Variants in EIF4E3 observed in about 807,000 individuals in gnomAD.
EIF4E3 encodes eukaryotic translation initiation factor 4E family member 3, also known as eukaryotic translation initiation factor 4E type 3.
EIF4E3 carries 26 observed loss-of-function variants against 31.7 expected under a neutral mutation model. That is an observed-to-expected ratio of 0.82 (90% CI 0.60 to 1.14). The LOEUF (loss-of-function observed/expected upper bound fraction) is 1.14. Among genes scored for constraint, EIF4E3 ranks in the 50% most tolerant of loss-of-function variants. EIF4E3 has a pLI of 0.00. For synonymous variants in EIF4E3, 128 were observed against 107.7 expected (o/e 1.19, Z -1.17); for missense variants, 304 against 270.9 (o/e 1.12, Z -0.86).
chr3:71,691,716 A>G (rs935685153), intron 5 of EIF4E3, among the ~76,000 whole-genome samples: 2 of 152,244 alleles, frequency 1.3e-5, no homozygotes, highest in African/African-American at 2.4e-5. Flanking sequence ...ATTTAAACAA[A>G]AGAGTCAAAA....
Position 71,690,045 on chromosome 3 carries a change from A to C in EIF4E3, c.593T>G (p.Leu198Arg), listed in dbSNP as rs1378726030. The change falls in exon 6 of 7, where the codon CTG becomes CGG. Residue 198 changes from leucine (L) to arginine (R), a missense_variant. Physicochemically the swap from Leu to Arg is moderately radical, Grantham distance 102 (BLOSUM62 -2). Transcript: ENST00000425534. ...TACTGCTTTAAAAGTTATGTGGGGC[A>C]GAAGTTCATAGATCTTTTCTAAAAC... The part of the protein sequence containing the change: ...ATVLEKIYEL[L>R]PHITFKAVFY... 6.2e-7 allele frequency: 1 copy of C among 1,613,578 alleles called. No individual in the cohort carries two copies. Among genetic ancestry groups the C allele is most frequent in the Admixed American group, 1.7e-5 (1 of 59,902 alleles).
At position 71,713,234 on chromosome 3, in the gene EIF4E3, T is replaced by TA. The variant is rs570541766; in HGVS notation, c.177-2751dup. ...CATTACAGGTGAGCAGGCTGGTACTTAGAGAGGTTTGGGAACTTGCCCATA... is the reference window on the plus strand; with the variant it reads ...CATTACAGGTGAGCAGGCTGGTACTTAAGAGAGGTTTGGGAACTTGCCCATA... On this transcript the variant is annotated intron_variant, in intron 1 of 6. Transcript: ENST00000425534. Among the ~76,000 whole-genome samples, 29 of 152,282 alleles carry TA rather than the reference T, an allele frequency of 1.9e-4. No individual in the cohort carries two copies. In the East Asian group the frequency reaches 4.6e-3, roughly 24 times the overall value.
At chr3:71,685,087 G>A (rs2048974663) in intron 6 of EIF4E3, among the ~76,000 whole-genome samples, 1 of 152,128 alleles carries the variant, frequency 6.6e-6, no homozygotes, top group Non-Finnish European at 1.5e-5. Flanking sequence ...AGGGGGTGGG[G>A]AGAGGGGGTG....
At chr3:71,742,934 T>G (rs1209323735) in intron 1 of EIF4E3, among the ~76,000 whole-genome samples, 1 of 152,166 alleles carries the variant, frequency 6.6e-6, no homozygotes, top group Non-Finnish European at 1.5e-5. Flanking sequence ...CAACATTCAC[T>G]GCTGATTTTA....
intron 1 of EIF4E3, among the ~76,000 whole-genome samples, chr3:71,710,780 C>A (rs1232679406): frequency 6.6e-6 from 1 of 152,042 alleles, no homozygotes; most frequent in Non-Finnish European, 1.5e-5. Context: ...TTAAAACATA[C>A]CAAAATAACC....
chr3:71,718,849 A>G (rs979586046), intron 1 of EIF4E3, among the ~76,000 whole-genome samples: 19 of 152,330 alleles, frequency 1.2e-4, no homozygotes, highest in Non-Finnish European at 1.0e-4. Context: ...TACCCCTCAC[A>G]AAAAATAAAA....
intron 1 of EIF4E3, among the ~76,000 whole-genome samples, chr3:71,749,667 C>A (rs1455258353): frequency 6.6e-6 from 1 of 151,384 alleles, no homozygotes; most frequent in Non-Finnish European, 1.5e-5. Context: ...TCTATACGTA[C>A]ATCAAAGAAG....
chr3:71,700,817 G>A (rs969690176), intron 2 of EIF4E3, among the ~76,000 whole-genome samples: 2 of 152,144 alleles, frequency 1.3e-5, no homozygotes, highest in African/African-American at 4.8e-5. Flanking sequence ...GATACACAGT[G>A]TTACGGACTG....
At chr3:71,719,402 T>C (rs1043455354) in intron 1 of EIF4E3, among the ~76,000 whole-genome samples, 5 of 152,124 alleles carry the variant, frequency 3.3e-5, no homozygotes, top group African/African-American at 1.2e-4. Flanking sequence ...GGAGCCTGTA[T>C]TGTAACAAGC....
chr3:71,700,242 T>C (rs530313575), intron 2 of EIF4E3, among the ~76,000 whole-genome samples: 18 of 152,232 alleles, frequency 1.2e-4, no homozygotes, highest in African/African-American at 4.3e-4. Context: ...TGTGCCAAGC[T>C]CTATGTTTCA....
chr3:71,689,362 T>C (rs1034675253), intron 6 of EIF4E3, among the ~76,000 whole-genome samples: 3 of 152,228 alleles, frequency 2.0e-5, no homozygotes, highest in South Asian at 4.1e-4. Flanking sequence ...ATTGGTTTAA[T>C]AGCACTAAGA....
At chr3:71,745,824 A>AT (rs1424485124) in intron 1 of EIF4E3, among the ~76,000 whole-genome samples, 1 of 152,186 alleles carries the variant, frequency 6.6e-6, no homozygotes, top group Non-Finnish European at 1.5e-5. Context: ...AAGGGGCCAC[A>AT]TTTTTTAAGA....
chr3:71,725,659 G>C (rs369090211), upstream of EIF4E3, among the ~76,000 whole-genome samples: 53 of 152,096 alleles, frequency 3.5e-4, no homozygotes, highest in East Asian at 0.01. The surrounding 1 kb of genome is among the most constrained non-coding windows in gnomAD (Gnocchi z 6.1). Flanking sequence ...GCCTGGCCTG[G>C]AGTGGCGGCC....
chr3:71,698,281 A>G (rs978175625), intron 3 of EIF4E3, among the ~76,000 whole-genome samples: 1 of 152,188 alleles, frequency 6.6e-6, no homozygotes, highest in Non-Finnish European at 1.5e-5. Flanking sequence ...TCCTCAAAGC[A>G]CTAGTGCAGA....
Position 71,679,435 on chromosome 3 carries a change from A to C in EIF4E3, c.*5247T>G, listed in dbSNP as rs1282104865. On this transcript the variant is annotated 3_prime_UTR_variant, in exon 7 of 7. Coordinates refer to ENST00000425534, the MANE Select transcript of EIF4E3 (RefSeq NM_001134651.2). ...AAGAAATCTTGCATTTCACTAAATG[A>C]GTTGGTAACTTTTTTCAGGCAGCAA... The C allele has an allele frequency of 6.6e-6, 1 of 152,212 alleles. No homozygotes were observed. Among genetic ancestry groups the C allele is most frequent in the African/African-American group, 2.4e-5 (1 of 41,464 alleles). The allele number at this position is 152,212 out of a possible 1,614,324, so 9.4% of individuals were successfully genotyped here. A position where few individuals can be genotyped will look rare whatever the true frequency, so the allele number is the denominator to read the frequency against.
intron 4 of EIF4E3, 91 bp downstream of exon 4, chr3:71,696,369 A>G: frequency 7.0e-7 from 1 of 1,430,442 alleles, no homozygotes; most frequent in South Asian, 1.2e-5. Flanking sequence ...TGCCAGGTAA[A>G]TAGGCTATCT....
intron 1 of EIF4E3, among the ~76,000 whole-genome samples, chr3:71,745,606 T>C (rs1445666148): frequency 6.6e-6 from 1 of 152,214 alleles, no homozygotes; most frequent in Non-Finnish European, 1.5e-5. Flanking sequence ...ATTACAGCAG[T>C]AGCAGCTTTG....
At chr3:71,723,974 C>T (rs1218671848) in intron 1 of EIF4E3, among the ~76,000 whole-genome samples, 1 of 151,994 alleles carries the variant, frequency 6.6e-6, no homozygotes, top group Non-Finnish European at 1.5e-5. Flanking sequence ...AAGAAATGAG[C>T]TTGTCTTAAC....
intron 3 of EIF4E3, among the ~76,000 whole-genome samples, chr3:71,697,660 G>A (rs950901992): frequency 6.6e-6 from 1 of 151,778 alleles, no homozygotes; most frequent in Admixed American, 6.6e-5. Flanking sequence ...ATGACAGCAT[G>A]AGGTATCTGT....
Sources: allele counts gnomAD v4.1 joint callset (sites outside exome capture counted in the v4.1 genomes callset), GRCh38; gene constraint gnomAD v4.1.1; non-coding constraint Gnocchi (gnomAD v3.1); transcripts MANE v1.5; gene names NCBI Gene and HGNC (gene_info 2026-07-23, HGNC 2026-07-21).